SGK2: variants seen among roughly 807,000 people sequenced by gnomAD.
SGK2 encodes the protein serine/threonine-protein kinase Sgk2.
SGK2 carries 36 observed loss-of-function variants against 47.5 expected under a neutral mutation model. The ratio of observed to expected loss-of-function variants is 0.76; its 90% CI spans 0.58 to 1.00. SGK2 has a LOEUF of 1.00. Ranked by LOEUF, SGK2 falls within the 50% of genes least tolerant of loss-of-function variation. SGK2 has a pLI of 0.00. For synonymous variants in SGK2, 157 were observed against 181.9 expected, an observed-to-expected ratio of 0.86 and a Z score of 1.10; for missense variants, 404 against 467.4, an observed-to-expected ratio of 0.86 and a Z score of 1.25.
chr20:43,583,081 C>G, intron 12 of SGK2: 1 of 929,808 alleles, frequency 1.1e-6, no homozygotes, highest in Non-Finnish European at 1.4e-6. Flanking sequence ...TCCATCGAAA[C>G]AGCCTGCATA....
At chr20:43,580,277 A>G (rs973472362) in intron 12 of SGK2, among the ~76,000 whole-genome samples, 2 of 152,236 alleles carry the variant, frequency 1.3e-5, no homozygotes, top group Admixed American at 6.5e-5. Context: ...TTGAGCACCA[A>G]TAAATAACTC....
chr20:43,569,829 C>T (rs1332870778), intron 6 of SGK2, among the ~76,000 whole-genome samples: 1 of 152,102 alleles, frequency 6.6e-6, no homozygotes, highest in Non-Finnish European at 1.5e-5. Context: ...AAGAGGAGCT[C>T]GTGGTCAAGG....
Position 43,576,233 on chromosome 20 carries a change from T to C in SGK2, c.703T>C (p.Tyr235His), listed in dbSNP as rs1223391275. The C allele has an allele frequency of 6.2e-7, 1 of 1,613,970 alleles. No individual in the cohort carries two copies. The highest frequency in any genetic ancestry group is 2.2e-5 in the East Asian group (1 of 44,890). ...YEMLHGLPPF[Y>H]SQDVSQMYEN... The stretch of plus-strand genomic sequence containing the variant: ...CTCCCTCTCTCCCCAGCCGCCCTTC[T>C]ACAGCCAAGATGTATCCCAGATGTA... Residue 235 changes from tyrosine (Y) to histidine (H), a missense_variant, in exon 11 of 13, where the codon TAC (tyrosine) becomes CAC (histidine). Transcript: ENST00000373100.
At chr20:43,570,046 C>T (rs3135418) in intron 6 of SGK2, among the ~76,000 whole-genome samples, 1 of 152,172 alleles carries the variant, frequency 6.6e-6, no homozygotes, top group African/African-American at 2.4e-5. Context: ...TCTTGCCTTT[C>T]AGAATGATGC....
intron 6 of SGK2, among the ~76,000 whole-genome samples, chr20:43,569,900 C>A (rs977493676): frequency 1.3e-5 from 2 of 152,182 alleles, no homozygotes; most frequent in Non-Finnish European, 2.9e-5. Flanking sequence ...AAACAGAGAC[C>A]TCAAGGCCAC....
At chr20:43,560,621 G>A (rs1358552930) in intron 1 of SGK2, among the ~76,000 whole-genome samples, 1 of 151,862 alleles carries the variant, frequency 6.6e-6, no homozygotes, top group African/African-American at 2.4e-5. Context: ...CATGTCTTTT[G>A]TTTTTCTTTT....
At chr20:43,562,488 C>T (rs1474145438) in intron 1 of SGK2, among the ~76,000 whole-genome samples, 1 of 150,370 alleles carries the variant, frequency 6.7e-6, no homozygotes, top group Non-Finnish European at 1.5e-5. Context: ...CACCTGTAAT[C>T]CCAGCACTTT....
chr20:43,560,804 A>G (rs1979336469), intron 1 of SGK2, among the ~76,000 whole-genome samples: 1 of 152,182 alleles, frequency 6.6e-6, no homozygotes, highest in African/African-American at 2.4e-5. Context: ...TTGATTCATT[A>G]GTCAAATTGT....
Position 43,563,809 on chromosome 20 carries a change from T to A in SGK2, c.-23-2664T>A, listed in dbSNP as rs569041150. 2.0e-4 allele frequency among the ~76,000 whole-genome samples: 31 copies of A among 152,346 alleles called. No homozygotes were observed. The South Asian group carries it at 6.0e-3, about 30-fold the overall frequency. ...GGGTATGTGTTTTGTCAACATGACA[T>A]CCTGCTGATCATGAATTGGTTCCAC... On this transcript the variant is annotated intron_variant, in intron 1 of 12. Coordinates refer to ENST00000373100, the MANE Select transcript of SGK2 (RefSeq NM_170693.3).
rs760355928 is a variant in SGK2, at chr20:43,585,012, G to T, written c.1100G>T (p.Cys367Phe). ...CCAGAGGATGATGACATCTTGGATT[G>T]CTAGAAGAGAAGGACCTGTGAAACT... ...YAPEDDDILD[C>F] Residue 367 changes from cysteine to phenylalanine, a missense_variant, in exon 13 of 13, where the codon TGC (cysteine) becomes TTC (phenylalanine). Cys to Phe is a radical substitution (Grantham distance 205). Coordinates refer to ENST00000373100, the MANE Select transcript of SGK2 (RefSeq NM_170693.3). 5.6e-5 allele frequency: 90 copies of T among 1,612,806 alleles called. No homozygotes were observed. Among genetic ancestry groups the T allele is most frequent in the Non-Finnish European group, 7.6e-5 (90 of 1,179,256 alleles).
At chr20:43,566,946 A>G in intron 2 of SGK2, 122 bp from the exon 3 acceptor site, 1 of 746,306 alleles carries the variant, frequency 1.3e-6, no homozygotes, top group Non-Finnish European at 2.2e-6. Context: ...TGAAAAAAAA[A>G]GAAAAGAAAA....
chr20:43,575,994 T>C (rs959693809), intron 10 of SGK2, among the ~76,000 whole-genome samples: 20 of 152,134 alleles, frequency 1.3e-4, no homozygotes, highest in African/African-American at 4.6e-4. Flanking sequence ...ATAAGCTAGA[T>C]GAAAAGAGAT....
intron 1 of SGK2, among the ~76,000 whole-genome samples, chr20:43,563,004 C>T (rs151142839): frequency 0.011 from 1,597 of 151,770 alleles, 26 homozygotes; most frequent in African/African-American, 0.036. Context: ...GGTATGGTGG[C>T]GGGCACCTGT....
Position 43,572,865 on chromosome 20 carries a change from C to CT in SGK2, c.597+738dup, listed in dbSNP as rs113543110. On this transcript the variant is annotated intron_variant, in intron 9 of 12. Coordinates refer to ENST00000373100, the MANE Select transcript of SGK2 (RefSeq NM_170693.3). This position sits in a 1 kb window ranked among gnomAD's most constrained non-coding sequence, Gnocchi z 4.2. ...TAAAACTGGTTGAAATATTTTATTC[C>CT]TTTTTTTTTTCTAACTAAGTCTTGA... 7.3e-4 allele frequency among the ~76,000 whole-genome samples: 109 copies of CT among 149,542 alleles called. No individual in the cohort carries two copies. The highest frequency in any genetic ancestry group is 6.8e-3 in the Middle Eastern group (2 of 292).
chr20:43,583,263 C>T, intron 12 of SGK2: 6 of 1,289,694 alleles, frequency 4.7e-6, no homozygotes, highest in Non-Finnish European at 6.1e-6. Context: ...CGAACTTATA[C>T]CCTGGAGAGA....
In SGK2 at chr20:43,576,234, A is replaced by C. The variant is rs1332216134; in HGVS notation, c.704A>C (p.Tyr235Ser). ...YEMLHGLPPF[Y>S]SQDVSQMYEN... Reference sequence around the variant, plus strand: ...TCCCTCTCTCCCCAGCCGCCCTTCTACAGCCAAGATGTATCCCAGATGTAT... The same window carrying C: ...TCCCTCTCTCCCCAGCCGCCCTTCTCCAGCCAAGATGTATCCCAGATGTAT... Residue 235 changes from tyrosine to serine, a missense_variant, in exon 11 of 13, where the codon TAC becomes TCC. By Grantham distance (144) the Tyr-to-Ser change is moderately radical. Transcript: ENST00000373100. The C allele has an allele frequency of 1.2e-6, 2 of 1,613,854 alleles. No individual in the cohort carries two copies. The highest frequency in any genetic ancestry group is 2.2e-5 in the East Asian group (1 of 44,886).
intron 10 of SGK2, 150 bp from the exon 11 acceptor site, chr20:43,576,074 G>A: frequency 1.2e-6 from 1 of 866,896 alleles, no homozygotes; most frequent in Non-Finnish European, 1.8e-6. Flanking sequence ...GAAGCCTGGA[G>A]TCCTGTCTCT....
chr20:43,580,125 A>T (rs892192326), intron 12 of SGK2, 64 bp downstream of exon 12: 12 of 1,011,092 alleles, frequency 1.2e-5, no homozygotes, highest in Non-Finnish European at 1.6e-5. Context: ...TATGCTTGCC[A>T]ACTCTCCTTA....
chr20:43,581,599 T>A (rs1271758378), intron 12 of SGK2, among the ~76,000 whole-genome samples: 5 of 152,180 alleles, frequency 3.3e-5, no homozygotes, highest in Non-Finnish European at 7.3e-5. Flanking sequence ...ATCGCCCATG[T>A]TGGAGTGCAG....
Sources: allele counts gnomAD v4.1 joint callset (sites outside exome capture counted in the v4.1 genomes callset), GRCh38; gene constraint gnomAD v4.1.1; non-coding constraint Gnocchi (gnomAD v3.1); transcripts MANE v1.5; gene names NCBI Gene and HGNC (gene_info 2026-07-23, HGNC 2026-07-21).